ADAM12: variants seen among roughly 807,000 people sequenced by gnomAD.
The protein encoded by ADAM12 is ADAM metallopeptidase domain 12.
A neutral mutation model predicts 106.4 loss-of-function variants in ADAM12; 70 were observed. The ratio of observed to expected loss-of-function variants is 0.66; its 90% CI spans 0.54 to 0.80. The LOEUF (loss-of-function observed/expected upper bound fraction) is 0.80. Ranked by LOEUF, ADAM12 falls within the 30% of genes least tolerant of loss-of-function variation. The pLI, the probability that ADAM12 is intolerant of heterozygous loss-of-function variation, is 0.00. For missense variants in ADAM12, 1,010 were observed against 1,171.9 expected, an observed-to-expected ratio of 0.86 and a Z score of 2.02; for synonymous variants, 420 against 433.5, an observed-to-expected ratio of 0.97 and a Z score of 0.39.
chr10:126,383,910 G>A (rs1856570384), intron 1 of ADAM12, among the ~76,000 whole-genome samples: 1 of 152,158 alleles, frequency 6.6e-6, no homozygotes, highest in Admixed American at 6.5e-5. Context: ...CTAGTATTCT[G>A]TACAAGCTAG....
At chr10:126,154,196 C>T (rs2133720172) in intron 4 of ADAM12, among the ~76,000 whole-genome samples, 1 of 152,360 alleles carries the variant, frequency 6.6e-6, no homozygotes, top group East Asian at 1.9e-4. Context: ...GGAGCCCCAA[C>T]TCACCAGCCA....
intron 1 of ADAM12, among the ~76,000 whole-genome samples, chr10:126,360,345 TGTCA>T (rs1469192999): frequency 6.6e-6 from 1 of 152,224 alleles, no homozygotes; most frequent in Non-Finnish European, 1.5e-5. Flanking sequence ...TCTATTGCAT[TGTCA>T]GTCTGCAAAT....
At chr10:126,340,155 G>A (rs555460242) in intron 1 of ADAM12, among the ~76,000 whole-genome samples, 9 of 152,164 alleles carry the variant, frequency 5.9e-5, no homozygotes, top group East Asian at 5.8e-4. Context: ...GCCCAGCCCC[G>A]TTCTAGGGCT....
At chr10:126,336,511 T>C (rs1193150954) in intron 1 of ADAM12, among the ~76,000 whole-genome samples, 1 of 151,882 alleles carries the variant, frequency 6.6e-6, no homozygotes, top group Non-Finnish European at 1.5e-5. Flanking sequence ...ATTCCTAGAG[T>C]AGAAAAAGGC....
chr10:126,041,846 G>A (rs1954179136), intron 18 of ADAM12: 2 of 1,257,526 alleles, frequency 1.6e-6, no homozygotes, highest in Non-Finnish European at 2.0e-6. Flanking sequence ...GCAGGGCTGG[G>A]GCCTGCCAGA....
At chr10:126,347,843 G>C (rs184240922) in intron 1 of ADAM12, among the ~76,000 whole-genome samples, 48 of 152,130 alleles carry the variant, frequency 3.2e-4, no homozygotes, top group Admixed American at 2.7e-3. Context: ...CAAACTTCTG[G>C]GTCACCCTGA....
At chr10:126,069,171 A>C (rs968702253) in intron 12 of ADAM12, among the ~76,000 whole-genome samples, 15 of 152,244 alleles carry the variant, frequency 9.9e-5, no homozygotes, top group East Asian at 3.8e-4. Flanking sequence ...TCTTAGGCAA[A>C]GCAGTTTGGA....
intron 1 of ADAM12, among the ~76,000 whole-genome samples, chr10:126,331,745 TG>T (rs1227157495): frequency 3.9e-5 from 6 of 152,082 alleles, no homozygotes; most frequent in Admixed American, 6.5e-5. Context: ...GAGGGGACTA[TG>T]GGCCCAGGAC....
rs143222279 is a variant in ADAM12 at position 126,102,805 on chromosome 10, C to T, written c.742-1564G>A. Among the ~76,000 whole-genome samples, 387 of 152,360 alleles carry T rather than the reference C, an allele frequency of 2.5e-3. 2 individuals are homozygous for T. Among genetic ancestry groups the T allele is most frequent in the African/African-American group, 8.9e-3 (371 of 41,578 alleles). On this transcript the variant is annotated intron_variant, in intron 8 of 22. Transcript: ENST00000448723. Reference sequence around the variant, plus strand: ...TCTACTTGCAAACTCCCAGCCCAGGCTTCCGGGGCGAAAGTAAGTTCCTGG... The same window carrying T: ...TCTACTTGCAAACTCCCAGCCCAGGTTTCCGGGGCGAAAGTAAGTTCCTGG...
At chr10:126,240,683 T>C (rs888382030) in intron 3 of ADAM12, among the ~76,000 whole-genome samples, 2 of 152,194 alleles carry the variant, frequency 1.3e-5, no homozygotes, top group African/African-American at 4.8e-5. Flanking sequence ...CAAGTGATCC[T>C]GCGGTGAAAG....
chr10:126,277,254 G>A (rs1359626497), intron 3 of ADAM12, among the ~76,000 whole-genome samples: 1 of 152,040 alleles, frequency 6.6e-6, no homozygotes, highest in African/African-American at 2.4e-5. Context: ...TATGTATATT[G>A]TTTTCATAGT....
intron 3 of ADAM12, among the ~76,000 whole-genome samples, chr10:126,158,672 GGGGAGAGGATGCACAGAGCACA>G (rs1565102910): frequency 2.5e-5 from 2 of 80,542 alleles, no homozygotes; most frequent in African/African-American, 4.4e-5. Flanking sequence ...CACAGAGCAC[GGGGAGAGGATGCACAGAGCACA>G]GGGAGAGGAT....
intron 3 of ADAM12, among the ~76,000 whole-genome samples, chr10:126,276,930 G>A (rs192545303): frequency 6.6e-6 from 1 of 152,194 alleles, no homozygotes; most frequent in East Asian, 1.9e-4. Context: ...CATTTTCAGG[G>A]GGAACCATGG....
Position 126,049,682 on chromosome 10 carries a change from C to T in ADAM12, c.1610-13G>A. ...GCAGGTTTAGCACCTGAAACAGAAG[C>T]AGAACTGCATTTTCATCTCCTGCAG... On this transcript the variant is annotated splice_polypyrimidine_tract_variant and intron_variant, in intron 14 of 22. Coordinates refer to ENST00000448723, the MANE Select transcript of ADAM12 (RefSeq NM_001288973.2). This position sits in a 1 kb window ranked among gnomAD's most constrained non-coding sequence, Gnocchi z 4.4. 6.2e-7 allele frequency: 1 copy of T among 1,609,490 alleles called. No individual in the cohort carries two copies. Among genetic ancestry groups the T allele is most frequent in the African/African-American group, 1.3e-5 (1 of 74,656 alleles).
chr10:126,081,727 C>T (rs1296796015), intron 11 of ADAM12, among the ~76,000 whole-genome samples: 1 of 152,178 alleles, frequency 6.6e-6, no homozygotes, highest in African/African-American at 2.4e-5. Context: ...GAGCTTCAAA[C>T]AAAAAGATCA....
chr10:126,136,203 T>C (rs191447105), intron 4 of ADAM12, among the ~76,000 whole-genome samples: 23 of 152,268 alleles, frequency 1.5e-4, no homozygotes, highest in East Asian at 1.3e-3. Flanking sequence ...TAGGAAGGTC[T>C]TCTAAGTCTA....
intron 3 of ADAM12, among the ~76,000 whole-genome samples, chr10:126,277,436 C>T (rs1037581742): frequency 1.3e-5 from 2 of 152,092 alleles, no homozygotes; most frequent in Non-Finnish European, 2.9e-5. Context: ...CAGCTGCCCA[C>T]CACAACAACC....
At chr10:126,090,756 C>A (rs980938463) in intron 11 of ADAM12, 2 of 152,228 alleles carry the variant, frequency 1.3e-5, no homozygotes, top group African/African-American at 4.8e-5. Context: ...CTTGTATTTA[C>A]AGGCCTCAGG....
rs1954559319 is a variant in ADAM12, at chr10:126,053,582, T to C, written c.1610-3913A>G. ...CACAGTCAAGCATCATCTTATAATA[T>C]GCTGTCAATTAACTTAATGAGAAAC... On this transcript the variant is annotated intron_variant, in intron 14 of 22. Coordinates refer to ENST00000448723, the MANE Select transcript of ADAM12 (RefSeq NM_001288973.2). This position sits in a 1 kb window ranked among gnomAD's most constrained non-coding sequence, Gnocchi z 4.6. Among the ~76,000 whole-genome samples the C allele has an allele frequency of 2.0e-5, 3 of 152,278 alleles. No homozygotes were observed. The highest frequency in any genetic ancestry group is 7.2e-5 in the African/African-American group (3 of 41,566).
Sources: gnomAD v4.1 joint callset for allele counts (sites outside exome capture counted in the v4.1 genomes callset) on GRCh38, gnomAD v4.1.1 for gene constraint, Gnocchi (gnomAD v3.1) non-coding constraint, MANE v1.5 for transcripts, NCBI Gene and HGNC (gene_info 2026-07-23, HGNC 2026-07-21) for gene names.